Variants in SYMPK observed in about 807,000 individuals in gnomAD.
The protein encoded by SYMPK is symplekin scaffold protein, also known as symplekin.
Under a neutral mutation model 136.4 loss-of-function variants are expected in SYMPK, and 49 were observed. That is an observed-to-expected ratio of 0.36 (90% confidence interval 0.29 to 0.46). The LOEUF (loss-of-function observed/expected upper bound fraction) is 0.46, where lower values mean the gene tolerates loss of function less well. SYMPK is among the 20% of genes least tolerant of loss of function. The pLI, the probability that SYMPK is intolerant of heterozygous loss-of-function variation, is 1.00. For synonymous variants in SYMPK, 766 were observed against 713.0 expected, an observed-to-expected ratio of 1.07 and a Z score of -1.19; for missense variants, 1,365 against 1,690.0, an observed-to-expected ratio of 0.81 and a Z score of 3.37.
Position 45,821,617 on chromosome 19 carries a change from G to T in SYMPK, c.2792-132C>A. On this transcript the variant is annotated intron_variant, in intron 21 of 26. Coordinates refer to ENST00000245934, the MANE Select transcript of SYMPK (RefSeq NM_004819.3). This position sits in a 1 kb window ranked among gnomAD's most constrained non-coding sequence, Gnocchi z 4.4. ...CCTCTGCTTTCAGGGCTGGAACAGG[G>T]GAAGCGACTGACAACATAAAAAGGG... 1.5e-6 allele frequency: 1 copy of T among 666,454 alleles called. No individual in the cohort carries two copies. The highest frequency in any genetic ancestry group is 1.7e-5 in the South Asian group (1 of 59,166). 41.3% of individuals were successfully genotyped at this position (666,454 alleles called of 1,614,324 possible).
At chr19:45,842,621 T>A (rs1199926235) in intron 8 of SYMPK, 132 bp from the exon 9 acceptor site, 3 of 1,303,992 alleles carry the variant, frequency 2.3e-6, no homozygotes, top group African/African-American at 1.5e-5. Context: ...CCCTCAGATC[T>A]AACGTGTGGC....
At position 45,816,165 on chromosome 19, in the gene SYMPK, T is replaced by TC. The variant is rs1163443766; in HGVS notation, c.3372dup (p.Thr1125AspfsTer62). On this transcript the variant is annotated frameshift_variant, in exon 26 of 27. Transcript: ENST00000245934. LOFTEE classifies it high-confidence loss of function. Reference sequence around the variant, plus strand: ...CGGGGTGCTGGGGCCGGGGCCAAGGTCAGGGGCTCCAGATCATCCTGGGGA... The same window carrying TC: ...CGGGGTGCTGGGGCCGGGGCCAAGGTCCAGGGGCTCCAGATCATCCTGGGGA... 2 of 1,542,982 alleles carry TC rather than the reference T, an allele frequency of 1.3e-6. No individual in the cohort carries two copies. Among genetic ancestry groups the TC allele is most frequent in the Non-Finnish European group, 1.8e-6 (2 of 1,141,626 alleles).
chr19:45,815,954 C>A lies in SYMPK; in HGVS notation c.3584G>T (p.Gly1195Val). 1 of 1,611,196 alleles carries A rather than the reference C, an allele frequency of 6.2e-7. No individual in the cohort carries two copies. Among genetic ancestry groups the A allele is most frequent in the South Asian group, 1.1e-5 (1 of 90,550 alleles). Reference protein sequence around the residue: ...SEEAMDFREEGPECETPGIFI... With the variant: ...SEEAMDFREEVPECETPGIFI... Reference sequence around the variant, plus strand: ...GATGCCCGGGGTCTCGCACTCAGGCCCCTCCTCCCGGAAATCCATGGCTTC... The same window carrying A: ...GATGCCCGGGGTCTCGCACTCAGGCACCTCCTCCCGGAAATCCATGGCTTC... Residue 1195 changes from glycine (G) to valine (V), a missense_variant, in exon 26 of 27, where the codon GGG becomes GTG. By Grantham distance (109) the Gly-to-Val change is moderately radical (BLOSUM62 -3). Transcript: ENST00000245934.
At chr19:45,850,575 T>C (rs1017170660) in intron 5 of SYMPK, among the ~76,000 whole-genome samples, 5 of 152,154 alleles carry the variant, frequency 3.3e-5, no homozygotes, top group African/African-American at 1.2e-4. Flanking sequence ...AACCACAGTA[T>C]CCATCGAGGC....
At chr19:45,820,482 G>C (rs1970862332) in intron 22 of SYMPK, 1 of 152,304 alleles carries the variant, frequency 6.6e-6, no homozygotes, top group South Asian at 2.1e-4. Context: ...TTTCAAGCTA[G>C]AACACGAAAG....
At chr19:45,818,187 C>G in intron 22 of SYMPK, 41 bp from the exon 23 acceptor site, 2 of 1,491,510 alleles carry the variant, frequency 1.3e-6, no homozygotes, top group Non-Finnish European at 1.8e-6. Context: ...CTCTGCCCAG[C>G]TGCCCCCTGG....
chr19:45,858,422 T>C (rs1317526019), intron 1 of SYMPK, among the ~76,000 whole-genome samples: 1 of 152,218 alleles, frequency 6.6e-6, no homozygotes, highest in African/African-American at 2.4e-5. Flanking sequence ...GCCTGGAATA[T>C]TCCTCCTCCT....
chr19:45,835,681 G>C (rs1417247113), intron 10 of SYMPK, among the ~76,000 whole-genome samples: 1 of 152,114 alleles, frequency 6.6e-6, no homozygotes, highest in Non-Finnish European at 1.5e-5. Context: ...AGAGGCTAAG[G>C]CAGGTAGATC....
At position 45,821,265 on chromosome 19, in the gene SYMPK, G is replaced by T. The variant is rs1970885081; in HGVS notation, c.2893+119C>A. 1.3e-6 allele frequency: 1 copy of T among 793,528 alleles called. No homozygotes were observed. The highest frequency in any genetic ancestry group is 1.4e-5 in the South Asian group (1 of 72,550). The allele number at this position is 793,528 out of a possible 1,614,324, so 49.2% of individuals were successfully genotyped here. ...GGAGGTGGCTCTCCAGAGCTCTGAG[G>T]TGGGGCTGTGAGTGACAGTCTTTGA... On this transcript the variant is annotated intron_variant, in intron 22 of 26. Coordinates refer to ENST00000245934, the MANE Select transcript of SYMPK (RefSeq NM_004819.3). The surrounding 1 kb of genome is among the most constrained non-coding windows in gnomAD (Gnocchi z 4.4).
chr19:45,837,000 G>A (rs1971318164), intron 10 of SYMPK, among the ~76,000 whole-genome samples: 1 of 152,036 alleles, frequency 6.6e-6, no homozygotes, highest in South Asian at 2.1e-4. Flanking sequence ...TGCTTACATT[G>A]GAAAAGATAA....
At chr19:45,823,540 G>C in intron 19 of SYMPK, 68 bp from the exon 20 acceptor site, 3 of 1,457,480 alleles carry the variant, frequency 2.1e-6, no homozygotes, top group Non-Finnish European at 2.9e-6. Flanking sequence ...TGGGCACCCA[G>C]GAAAGAGAAG....
chr19:45,830,606 G>C (rs1971145526), intron 12 of SYMPK: 1 of 169,052 alleles, frequency 5.9e-6, no homozygotes. Flanking sequence ...AGTAAGACTT[G>C]GGGCTGGGCA....
intron 7 of SYMPK, among the ~76,000 whole-genome samples, chr19:45,846,733 A>G (rs1007837900): frequency 1.6e-4 from 24 of 152,170 alleles, no homozygotes; most frequent in Non-Finnish European, 4.4e-5. Flanking sequence ...GGAAAGCAGG[A>G]CTGAGGGAGG....
At chr19:45,824,031 G>C (rs1970975785) in intron 18 of SYMPK, 156 bp from the exon 19 acceptor site, 2 of 491,408 alleles carry the variant, frequency 4.1e-6, no homozygotes, top group South Asian at 3.9e-5. Context: ...AAGGGCAGGA[G>C]AGTCAGAAGA....
Position 45,829,003 on chromosome 19 carries a change from G to C in SYMPK, c.1952C>G (p.Ser651Cys). Reference protein sequence around the residue: ...KYEDCLIRLLSGLQEKPDQKD... With the variant: ...KYEDCLIRLLCGLQEKPDQKD... Reference sequence around the variant, plus strand: ...CTGGTCTGGTTTCTCCTGCAGGCCAGACAACAGGCGGATGAGGCAGTCCTC... The same window carrying C: ...CTGGTCTGGTTTCTCCTGCAGGCCACACAACAGGCGGATGAGGCAGTCCTC... The change falls in exon 14 of 27, where the codon TCT becomes TGT. Residue 651 changes from serine to cysteine, a missense_variant. By Grantham distance (112) the Ser-to-Cys change is moderately radical (BLOSUM62 -1). Coordinates refer to ENST00000245934, the MANE Select transcript of SYMPK (RefSeq NM_004819.3). The C allele has an allele frequency of 6.2e-7, 1 of 1,614,222 alleles. No homozygotes were observed. The highest frequency in any genetic ancestry group is 1.7e-5 in the Admixed American group (1 of 60,030).
At chr19:45,851,710 C>T (rs1196958034) in intron 5 of SYMPK, among the ~76,000 whole-genome samples, 2 of 152,054 alleles carry the variant, frequency 1.3e-5, no homozygotes, top group Non-Finnish European at 2.9e-5. Flanking sequence ...CCCTTCTCTA[C>T]TAAAAATACA....
rs774226899 is a variant in SYMPK, at chr19:45,842,289, G to A, written c.1048C>T (p.Arg350Cys). ...PSSKDTRKRPRDDSDSTLKKM... is the reference protein window; with the variant it reads ...PSSKDTRKRPCDDSDSTLKKM... ...TTGAGTGTGGAGTCCGAGTCATCGC[G>A]GGGCCGCTTGCGGGTGTCCTTGCTG... The change falls in exon 9 of 27, where the codon CGC (arginine) becomes TGC (cysteine). Residue 350 changes from arginine to cysteine, a missense_variant. Arg to Cys is a radical substitution (Grantham distance 180, BLOSUM62 -3). Around this residue, in one of 11 missense-constraint regions of SYMPK, gnomAD observed 111 missense variants for 141.2 expected, o/e 0.79. Coordinates refer to ENST00000245934, the MANE Select transcript of SYMPK (RefSeq NM_004819.3). The A allele has an allele frequency of 1.5e-5, 25 of 1,614,036 alleles. No homozygotes were observed. The East Asian group carries it at 1.8e-4, about 12-fold the overall frequency.
At chr19:45,847,713 G>A (rs1248389686) in intron 7 of SYMPK, 39 bp downstream of exon 7, 1 of 1,590,526 alleles carries the variant, frequency 6.3e-7, no homozygotes, top group South Asian at 1.1e-5. Context: ...GGAAACTGGT[G>A]CAGGGCTGTC....
intron 23 of SYMPK, 189 bp from the exon 24 acceptor site, chr19:45,817,163 G>C (rs886197633): frequency 1.7e-6 from 1 of 573,780 alleles, no homozygotes; most frequent in Non-Finnish European, 2.9e-6. Flanking sequence ...GCTGGACCAC[G>C]AGGGCAACTT....
Sources: allele counts gnomAD v4.1 joint callset (sites outside exome capture counted in the v4.1 genomes callset), GRCh38; gene constraint gnomAD v4.1.1; regional missense constraint gnomAD v4.1.1; non-coding constraint Gnocchi (gnomAD v3.1); transcripts MANE v1.5; gene names NCBI Gene and HGNC (gene_info 2026-07-23, HGNC 2026-07-21).